Variants in ABCA7 observed in about 807,000 individuals in gnomAD.
ABCA7 encodes the protein ATP binding cassette subfamily A member 7, also known as phospholipid-transporting ATPase ABCA7.
In ABCA7, 261 loss-of-function variants were observed where a neutral mutation model predicts 227.6. That is an observed-to-expected ratio of 1.15 (90% confidence interval 1.04 to 1.27). The LOEUF (loss-of-function observed/expected upper bound fraction) is 1.27. Ranked by LOEUF, ABCA7 falls within the 50% of genes most tolerant of loss-of-function variation. ABCA7 has a pLI of 0.00. For synonymous variants in ABCA7, 1,488 were observed against 1,279.7 expected, an observed-to-expected ratio of 1.16 and a Z score of -3.47; for missense variants, 3,331 against 2,924.5, an observed-to-expected ratio of 1.14 and a Z score of -3.21.
At position 1,055,339 on chromosome 19, in the gene ABCA7, T is replaced by G. The variant is rs778235640; in HGVS notation, c.4193T>G (p.Leu1398Arg). 1.9e-6 allele frequency: 3 copies of G among 1,588,510 alleles called. No homozygotes were observed. Among genetic ancestry groups the G allele is most frequent in the Non-Finnish European group, 1.7e-6 (2 of 1,169,832 alleles). ...SDFLVKTYPRLVRQGLKTKKW... is the reference protein window; with the variant it reads ...SDFLVKTYPRRVRQGLKTKKW... ...TTCCTGGTCAAGACCTACCCGCGCC[T>G]GGTGCGCCAGGGGTGAGCCATGCCC... The change falls in exon 30 of 47, where the codon CTG becomes CGG. Residue 1398 changes from leucine (L) to arginine (R), a missense_variant. Physicochemically the swap from Leu to Arg is moderately radical, Grantham distance 102 (BLOSUM62 -2). Transcript: ENST00000263094.
rs1480301598 is a variant in ABCA7 at position 1,043,250 on chromosome 19, G to A, written c.789G>A (p.Leu263=). ...EPESALPDSS[L]SPACSELIGA... is the part of the protein sequence containing the mutation. ...AATCCGCCCTGCCAGACAGCAGCCT[G>A]AGTGAGTGACTGACCTCGGTTTCCC... is the stretch of plus-strand genomic sequence containing the variant. Residue 263 remains leucine, a splice_region_variant and synonymous_variant, in exon 8 of 47, where the codon CTG becomes CTA. Coordinates refer to ENST00000263094, the MANE Select transcript of ABCA7 (RefSeq NM_019112.4). 1.2e-6 allele frequency: 2 copies of A among 1,607,854 alleles called. No homozygotes were observed. Among genetic ancestry groups the A allele is most frequent in the Admixed American group, 1.7e-5 (1 of 59,912 alleles).
chr19:1,043,206 C>T lies in ABCA7; in HGVS notation c.745C>T (p.Leu249=). ...NWYEASDLME[L]VGQEPESALP... The stretch of plus-strand genomic sequence containing the variant: ...GTACGAGGCTAGTGACCTGATGGAG[C>T]TGGTGGGGCAGGAGCCAGAATCCGC... The change falls in exon 8 of 47, where the codon CTG becomes TTG. Residue 249 remains leucine (L), a synonymous_variant. Transcript: ENST00000263094. 6.2e-7 allele frequency: 1 copy of T among 1,608,650 alleles called. No individual in the cohort carries two copies. The highest frequency in any genetic ancestry group is 8.5e-7 in the Non-Finnish European group (1 of 1,176,516).
At position 1,063,557 on chromosome 19, in the gene ABCA7, G is replaced by C. The variant is rs1205177560; in HGVS notation, c.5726G>C (p.Gly1909Ala). The C allele has an allele frequency of 4.3e-6, 7 of 1,610,456 alleles. No homozygotes were observed. Among genetic ancestry groups the C allele is most frequent in the Non-Finnish European group, 5.9e-6 (7 of 1,179,896 alleles). Residue 1909 changes from glycine (G) to alanine (A), a missense_variant, in exon 43 of 47, where the codon GGC (glycine) becomes GCC (alanine). By Grantham distance (60) the Gly-to-Ala change is moderately conservative. Transcript: ENST00000263094. Reference protein sequence around the residue: ...EAQVAQTAGSGLARLGLSWYA... With the variant: ...EAQVAQTAGSALARLGLSWYA... ...CCCACCCCACAGACCGCTGGCTCGG[G>C]CCTGGCGCGTCTGGGACTCTCATGG...
At chr19:1,057,264 C>T in intron 34 of ABCA7, 50 bp from the exon 35 acceptor site, 3 of 1,597,896 alleles carry the variant, frequency 1.9e-6, no homozygotes, top group African/African-American at 1.3e-5. Flanking sequence ...CTGAGGGTGG[C>T]AGTGCCCACC....
Position 1,056,965 on chromosome 19 carries a change from G to A in ABCA7, c.4645G>A (p.Val1549Ile), listed in dbSNP as rs2042307212. Residue 1549 changes from valine (V) to isoleucine (I), a missense_variant, in exon 34 of 47, where the codon GTC (valine) becomes ATC (isoleucine). By Grantham distance (29) the Val-to-Ile change is conservative. Coordinates refer to ENST00000263094, the MANE Select transcript of ABCA7 (RefSeq NM_019112.4). This position sits in a 1 kb window ranked among gnomAD's most constrained non-coding sequence, Gnocchi z 4.3. ...CTGTGTGGTCTTTGCCATGTCCTTTGTCCCGGCCAGCTTCACTCTTGTCCT... is the reference window on the plus strand; with the variant it reads ...CTGTGTGGTCTTTGCCATGTCCTTTATCCCGGCCAGCTTCACTCTTGTCCT... Reference protein sequence around the residue: ...SICVVFAMSFVPASFTLVLIE... With the variant: ...SICVVFAMSFIPASFTLVLIE... 1.2e-6 allele frequency: 2 copies of A among 1,614,028 alleles called. No individual in the cohort carries two copies. The highest frequency in any genetic ancestry group is 1.7e-6 in the Non-Finnish European group (2 of 1,180,004).
At chr19:1,047,792 C>T in intron 16 of ABCA7, 138 bp downstream of exon 16, 1 of 1,000,684 alleles carries the variant, frequency 1.0e-6, no homozygotes, top group Non-Finnish European at 1.4e-6. Flanking sequence ...TCTTGGCACA[C>T]GCATGCAGGT....
In ABCA7 at chr19:1,056,147, G is replaced by C; in HGVS notation, c.4320G>C (p.Trp1440Cys). 2 of 1,609,700 alleles carry C rather than the reference G, an allele frequency of 1.2e-6. No homozygotes were observed. Among genetic ancestry groups the C allele is most frequent in the Non-Finnish European group, 1.7e-6 (2 of 1,179,566 alleles). ...TGGGCCGCTCAGTGGAGGAGTTGTG[G>C]GCGCTGCTGAGTCCCCTGCCTGGCG... ...QELGRSVEEL[W>C]ALLSPLPGGA... Residue 1440 changes from tryptophan to cysteine, a missense_variant, in exon 32 of 47, where the codon TGG becomes TGC. Coordinates refer to ENST00000263094, the MANE Select transcript of ABCA7 (RefSeq NM_019112.4). This position sits in a 1 kb window ranked among gnomAD's most constrained non-coding sequence, Gnocchi z 4.3.
rs75268504 is a variant in ABCA7 at position 1,054,507 on chromosome 19, G to A, written c.3727-63G>A. On this transcript the variant is annotated intron_variant, in intron 27 of 46. Transcript: ENST00000263094. This position sits in a 1 kb window ranked among gnomAD's most constrained non-coding sequence, Gnocchi z 4.8. ...CATGGGTGGTTGTAGAGCAGGAGCA[G>A]GGACAGGTGCAAGCAAGCCTGGAGG... The A allele has an allele frequency of 6.1e-4, 974 of 1,584,746 alleles. 9 individuals are homozygous for A. In the African/African-American group the frequency reaches 0.011, roughly 18 times the overall value.
rs181971083 is a variant in ABCA7, at chr19:1,058,947, G to A, written c.5400+7G>A. The A allele has an allele frequency of 7.5e-6, 12 of 1,609,342 alleles. No individual in the cohort carries two copies. Among genetic ancestry groups the A allele is most frequent in the African/African-American group, 1.3e-5 (1 of 74,996 alleles). On this transcript the variant is annotated splice_region_variant and intron_variant, in intron 39 of 46. Coordinates refer to ENST00000263094, the MANE Select transcript of ABCA7 (RefSeq NM_019112.4). ...GCTGAGGAACTTGACCAAGGTAGGT[G>A]TGGTCAGGTCGACTGCTGGGTGGGG...
Position 1,057,546 on chromosome 19 carries a change from G to C in ABCA7, c.4880+117G>C. ...CAAGGAGAGGATATGGAGGTCTGAG[G>C]TGATGCCGTGTGTGATCCAATTCAG... On this transcript the variant is annotated intron_variant, in intron 35 of 46. Coordinates refer to ENST00000263094, the MANE Select transcript of ABCA7 (RefSeq NM_019112.4). 2.9e-6 allele frequency: 3 copies of C among 1,018,670 alleles called. No individual in the cohort carries two copies. In the South Asian group the frequency reaches 4.2e-5, roughly 14 times the overall value. 63.1% of individuals were successfully genotyped at this position (1,018,670 alleles called of 1,614,324 possible).
intron 10 of ABCA7, 70 bp downstream of exon 10, chr19:1,043,911 G>A (rs2040322740): frequency 1.5e-6 from 2 of 1,353,074 alleles, no homozygotes; most frequent in African/African-American, 2.9e-5. Flanking sequence ...CGGTGGATGG[G>A]AAGGTGGGCT....
Position 1,054,584 on chromosome 19 carries a change from C to T in ABCA7, c.3741C>T (p.Ala1247=), listed in dbSNP as rs1049248803. The T allele has an allele frequency of 8.1e-6, 13 of 1,610,878 alleles. No homozygotes were observed. The highest frequency in any genetic ancestry group is 1.3e-5 in the African/African-American group (1 of 74,872). ...RGLFAQIVLP[A]LFVGLALVFS... The stretch of plus-strand genomic sequence containing the variant: ...TGGTCCCCCAGATCGTGCTGCCTGC[C>T]CTCTTTGTGGGCCTGGCCCTCGTGT... Residue 1247 remains alanine, a synonymous_variant, in exon 28 of 47, where the codon GCC becomes GCT. Transcript: ENST00000263094. This position sits in a 1 kb window ranked among gnomAD's most constrained non-coding sequence, Gnocchi z 4.8.
At chr19:1,050,028 G>GCCCCCCACCACTTC in intron 18 of ABCA7, among the ~76,000 whole-genome samples, 1 of 129,558 alleles carries the variant, frequency 7.7e-6, no homozygotes, top group African/African-American at 3.0e-5. Context: ...CTCCCTGTGA[G>GCCCCCCACCACTTC]CTCCCTGTGA....
In ABCA7 at chr19:1,054,582, GC is replaced by G. The variant is rs1481827148; in HGVS notation, c.3742del (p.Leu1248SerfsTer125). ...GCTGGTCCCCCAGATCGTGCTGCCT[GC>G]CCTCTTTGTGGGCCTGGCCCTCGTG... is the stretch of plus-strand genomic sequence containing the variant. Reference protein sequence around the residue: ...RGLFAQIVLPALFVGLALVFS... With the variant: ...RGLFAQIVLPXLFVGLALVFS... On this transcript the variant is annotated frameshift_variant, in exon 28 of 47. Transcript: ENST00000263094. LOFTEE classifies it high-confidence loss of function. This position sits in a 1 kb window ranked among gnomAD's most constrained non-coding sequence, Gnocchi z 4.8. 1 of 1,610,630 alleles carries G rather than the reference GC, an allele frequency of 6.2e-7. No homozygotes were observed. Among genetic ancestry groups the G allele is most frequent in the Non-Finnish European group, 8.5e-7 (1 of 1,178,586 alleles).
chr19:1,064,958 G>T lies in ABCA7; in HGVS notation c.6072G>T (p.Leu2024=). 6.5e-7 allele frequency: 1 copy of T among 1,541,186 alleles called. No homozygotes were observed. The change falls in exon 46 of 47, where the codon CTG becomes CTT. Residue 2024 remains leucine, a synonymous_variant. Coordinates refer to ENST00000263094, the MANE Select transcript of ABCA7 (RefSeq NM_019112.4). ...TCGCGGCGGGTCACACACTGACCCT[G>T]CGGGTGCCCGCCGCAAGGTCCCAGC... The part of the protein sequence containing the change: ...GRFAAGHTLT[L]RVPAARSQPA...
In ABCA7 at chr19:1,047,458, G is replaced by A; in HGVS notation, c.2073G>A (p.Leu691=). 1 of 1,547,834 alleles carries A rather than the reference G, an allele frequency of 6.5e-7. No individual in the cohort carries two copies. Among genetic ancestry groups the A allele is most frequent in the Non-Finnish European group, 8.7e-7 (1 of 1,150,208 alleles). ...GACCGCCCGCTTTTCCGCAGAGCCT[G>A]CTGTCGCCCGTGGCCTTCGGCTTCG... ...LPAGGRVAAS[L]LSPVAFGFGC... is the part of the protein sequence containing the mutation. Residue 691 remains leucine, a synonymous_variant, in exon 16 of 47, where the codon CTG becomes CTA. Transcript: ENST00000263094.
chr19:1,058,370 A>G, intron 37 of ABCA7, 101 bp downstream of exon 37: 1 of 1,515,348 alleles, frequency 6.6e-7, no homozygotes, highest in Non-Finnish European at 8.8e-7. Flanking sequence ...CCCCCCAGGG[A>G]GACAGCCAGG....
At chr19:1,060,966 G>T (rs924359578) in intron 40 of ABCA7, among the ~76,000 whole-genome samples, 2 of 152,124 alleles carry the variant, frequency 1.3e-5, no homozygotes, top group Admixed American at 1.3e-4. Context: ...TGCTGCACAC[G>T]ACCTTTATAG....
intron 25 of ABCA7, 36 bp downstream of exon 25, chr19:1,053,872 C>A: frequency 6.2e-7 from 1 of 1,600,356 alleles, no homozygotes. Flanking sequence ...GACCCCAGTC[C>A]AGAGTGGGAC....
Sources: allele counts gnomAD v4.1 joint callset (sites outside exome capture counted in the v4.1 genomes callset), GRCh38; gene constraint gnomAD v4.1.1; non-coding constraint Gnocchi (gnomAD v3.1); transcripts MANE v1.5; gene names NCBI Gene and HGNC (gene_info 2026-07-23, HGNC 2026-07-21).